GABRG3: variants seen among roughly 807,000 people sequenced by gnomAD.
GABRG3 encodes the protein gamma-aminobutyric acid type A receptor subunit gamma3.
GABRG3 carries 25 observed loss-of-function variants against 48.8 expected under a neutral mutation model. The ratio of observed to expected loss-of-function variants is 0.51; its 90% CI spans 0.37 to 0.72. The LOEUF (loss-of-function observed/expected upper bound fraction) is 0.72. Among genes scored for constraint, GABRG3 ranks in the 30% least tolerant of loss-of-function variants. GABRG3 has a pLI of 0.00. For synonymous variants in GABRG3, 227 were observed against 217.6 expected, an observed-to-expected ratio of 1.04 and a Z score of -0.38; for missense variants, 394 against 577.9, an observed-to-expected ratio of 0.68 and a Z score of 3.26.
chr15:27,393,786 C>T (rs989379908), intron 5 of GABRG3, among the ~76,000 whole-genome samples: 8 of 152,186 alleles, frequency 5.3e-5, no homozygotes, highest in Admixed American at 1.3e-4. Flanking sequence ...GTGGCATCTT[C>T]TGCCTCTGGC....
intron 3 of GABRG3, chr15:27,294,773 G>A (rs867811846): frequency 2.6e-5 from 4 of 152,282 alleles, no homozygotes; most frequent in South Asian, 2.1e-4. Flanking sequence ...ATTCTTTTCA[G>A]TGACCCCTCT....
At chr15:27,024,885 G>A (rs1161336978) in intron 2 of GABRG3, among the ~76,000 whole-genome samples, 1 of 152,010 alleles carries the variant, frequency 6.6e-6, no homozygotes, top group Non-Finnish European at 1.5e-5. Flanking sequence ...AATTAGCTGG[G>A]CGTGGTGGCA....
intron 5 of GABRG3, among the ~76,000 whole-genome samples, chr15:27,381,377 G>A (rs2140564623): frequency 6.6e-6 from 1 of 152,312 alleles, no homozygotes; most frequent in Non-Finnish European, 1.5e-5. Context: ...GATCTTTACT[G>A]TGAGAACCAT....
intron 5 of GABRG3, among the ~76,000 whole-genome samples, chr15:27,421,125 G>A (rs1263845298): frequency 2.0e-5 from 3 of 152,224 alleles, no homozygotes; most frequent in East Asian, 3.9e-4. Context: ...CTGGCTCCTC[G>A]ACCGATGACA....
chr15:26,980,552 G>A (rs1021539628), intron 2 of GABRG3, among the ~76,000 whole-genome samples: 9 of 151,784 alleles, frequency 5.9e-5, no homozygotes, highest in Non-Finnish European at 1.2e-4. Context: ...GGTGGCGGGC[G>A]CCTGTAATCC....
intron 3 of GABRG3, among the ~76,000 whole-genome samples, chr15:27,201,079 T>G (rs1888665558): frequency 6.6e-6 from 1 of 152,134 alleles, no homozygotes; most frequent in Non-Finnish European, 1.5e-5. Context: ...GCAGAATATT[T>G]GTGTTTAGCC....
chr15:27,489,802 T>G (rs950563842), intron 6 of GABRG3, among the ~76,000 whole-genome samples: 6 of 152,196 alleles, frequency 3.9e-5, no homozygotes, highest in African/African-American at 1.4e-4. Context: ...TTGCAAAAAT[T>G]TCCTCCCATT....
At position 27,192,263 on chromosome 15, in the gene GABRG3, C is replaced by T. The variant is rs538082134; in HGVS notation, c.271-134546C>T. 9.2e-5 allele frequency among the ~76,000 whole-genome samples: 14 copies of T among 152,086 alleles called. No individual in the cohort carries two copies. The East Asian group carries it at 1.4e-3, about 15-fold the overall frequency. On this transcript the variant is annotated intron_variant, in intron 3 of 9. Transcript: ENST00000615808. ...GTTCTCTGTATTTCCTGAATCTGAA[C>T]GTTGGCCTGCCTTGCTAGATTGGGG... is the stretch of plus-strand genomic sequence containing the variant.
intron 3 of GABRG3, among the ~76,000 whole-genome samples, chr15:27,029,946 A>C (rs1896054526): frequency 6.6e-6 from 1 of 152,246 alleles, no homozygotes; most frequent in Non-Finnish European, 1.5e-5. Flanking sequence ...GACCCGCTAT[A>C]TCTGTGCAAC....
Position 27,162,887 on chromosome 15 carries a change from G to T in GABRG3, c.270+136066G>T, listed in dbSNP as rs185653781. 8.1e-4 allele frequency among the ~76,000 whole-genome samples: 123 copies of T among 152,164 alleles called. 1 individual carries two copies. The highest frequency in any genetic ancestry group is 2.9e-3 in the African/African-American group (120 of 41,524). On this transcript the variant is annotated intron_variant, in intron 3 of 9. Coordinates refer to ENST00000615808, the MANE Select transcript of GABRG3 (RefSeq NM_033223.5). Reference sequence around the variant, plus strand: ...AACATTGAAATCCTCTTACTTATTTGATCTTAGTAGCAACCCAAGGGACTG... The same window carrying T: ...AACATTGAAATCCTCTTACTTATTTTATCTTAGTAGCAACCCAAGGGACTG...
At chr15:27,161,892 T>G (rs536357178) in intron 3 of GABRG3, among the ~76,000 whole-genome samples, 1 of 152,160 alleles carries the variant, frequency 6.6e-6, no homozygotes, top group African/African-American at 2.4e-5. Context: ...TGAAACCTAA[T>G]GCAGCTGCCA....
chr15:27,316,040 C>A (rs7169236), intron 3 of GABRG3, among the ~76,000 whole-genome samples: 134 of 152,252 alleles, frequency 8.8e-4, no homozygotes, highest in Middle Eastern at 3.4e-3. Context: ...TTGTAAATTT[C>A]ATTTCCTTAT....
At chr15:27,409,088 T>C (rs1031527708) in intron 5 of GABRG3, among the ~76,000 whole-genome samples, 1 of 152,152 alleles carries the variant, frequency 6.6e-6, no homozygotes, top group African/African-American at 2.4e-5. Context: ...CCAGGGTTTT[T>C]GACAGAGCAA....
At chr15:27,500,453 C>G (rs1410259660) in intron 6 of GABRG3, among the ~76,000 whole-genome samples, 1 of 152,180 alleles carries the variant, frequency 6.6e-6, no homozygotes, top group East Asian at 1.9e-4. Flanking sequence ...CACTGGGGAG[C>G]TGCAGAAACA....
intron 3 of GABRG3, among the ~76,000 whole-genome samples, chr15:27,307,789 T>TATATATAAAATAAACAAAC (rs1892697179): frequency 8.8e-5 from 6 of 67,830 alleles, no homozygotes; most frequent in African/African-American, 1.9e-4. Context: ...TATATAAACA[T>TATATATAAAATAAACAAAC]ATATATAAAA....
chr15:27,392,197 C>T (rs1341074593), intron 5 of GABRG3, among the ~76,000 whole-genome samples: 1 of 152,186 alleles, frequency 6.6e-6, no homozygotes, highest in Non-Finnish European at 1.5e-5. Flanking sequence ...GATATATTAA[C>T]TAGCCTCCAC....
chr15:27,025,262 A>T (rs1895965347), intron 2 of GABRG3, among the ~76,000 whole-genome samples: 2 of 152,210 alleles, frequency 1.3e-5, no homozygotes, highest in Admixed American at 1.3e-4. Flanking sequence ...AATAAGTTGT[A>T]TGAAACAACC....
At chr15:27,506,788 T>TG (rs1890770482) in intron 6 of GABRG3, among the ~76,000 whole-genome samples, 2 of 151,640 alleles carry the variant, frequency 1.3e-5, no homozygotes, top group African/African-American at 4.9e-5. Flanking sequence ...AAGCAACTTT[T>TG]GGGTTTTTTT....
At chr15:27,136,826 C>T (rs965208173) in intron 3 of GABRG3, among the ~76,000 whole-genome samples, 5 of 152,100 alleles carry the variant, frequency 3.3e-5, no homozygotes, top group African/African-American at 1.2e-4. Context: ...TCCCAGGGAG[C>T]CCACCCTCCC....
Sources: allele counts gnomAD v4.1 joint callset (sites outside exome capture counted in the v4.1 genomes callset), GRCh38; gene constraint gnomAD v4.1.1; transcripts MANE v1.5; gene names NCBI Gene and HGNC (gene_info 2026-07-23, HGNC 2026-07-21).